The following MAP3K10 variants were observed in gnomAD, a reference collection of about 807,000 sequenced individuals.
MAP3K10 encodes the protein mitogen-activated protein kinase kinase kinase 10.
A neutral mutation model predicts 75.0 loss-of-function variants in MAP3K10; 22 were observed. The observed-to-expected ratio is 0.29, with a 90% CI of 0.21 to 0.42. MAP3K10 has a LOEUF of 0.42. MAP3K10 is among the 10% of genes least tolerant of loss of function. MAP3K10 has a pLI of 1.00. For missense variants in MAP3K10, 1,165 were observed against 1,379.8 expected (o/e 0.84, Z 2.47); for synonymous variants, 599 against 612.9 (o/e 0.98, Z 0.34).
rs1439396987 is a variant in MAP3K10, at chr19:40,204,914, G to C, written c.1013-207G>C. 4.8e-6 allele frequency: 3 copies of C among 622,714 alleles called. No individual in the cohort carries two copies. In the East Asian group the frequency reaches 8.2e-5, roughly 17 times the overall value. 38.6% of individuals were successfully genotyped at this position (622,714 alleles called of 1,614,324 possible). A position where few individuals can be genotyped will look rare whatever the true frequency, so the allele number is the denominator to read the frequency against. On this transcript the variant is annotated intron_variant, in intron 3 of 9. Coordinates refer to ENST00000253055, the MANE Select transcript of MAP3K10 (RefSeq NM_002446.4). This position sits in a 1 kb window ranked among gnomAD's most constrained non-coding sequence, Gnocchi z 4.3. Reference sequence around the variant, plus strand: ...TGATTCCACTACCAGCCCCTCCTCGGGGTGCAGGTCCCAGGGTTTCTCTCC... The same window carrying C: ...TGATTCCACTACCAGCCCCTCCTCGCGGTGCAGGTCCCAGGGTTTCTCTCC...
Position 40,213,790 on chromosome 19 carries a change from G to A in MAP3K10, c.2111G>A (p.Arg704His). The A allele has an allele frequency of 8.0e-7, 1 of 1,253,266 alleles. No individual in the cohort carries two copies. The allele number at this position is 1,253,266 out of a possible 1,614,324, so 77.6% of individuals were successfully genotyped here. A position where few individuals can be genotyped will look rare whatever the true frequency, so the allele number is the denominator to read the frequency against. ...ARAADGEEQR[R>H]WLDGLFFPRA... ...GCGGCCGACGGTGAGGAGCAGCGGCGCTGGCTCGACGGCCTCTTCTTTCCC... is the reference window on the plus strand; with the variant it reads ...GCGGCCGACGGTGAGGAGCAGCGGCACTGGCTCGACGGCCTCTTCTTTCCC... The change falls in exon 9 of 10, where the codon CGC becomes CAC. Residue 704 changes from arginine (R) to histidine (H), a missense_variant. Arg to His is a conservative substitution (Grantham distance 29). Around this residue, in one of 2 missense-constraint regions of MAP3K10, gnomAD observed 590 missense variants for 586.6 expected, o/e 1.01. Coordinates refer to ENST00000253055, the MANE Select transcript of MAP3K10 (RefSeq NM_002446.4). This position sits in a 1 kb window ranked among gnomAD's most constrained non-coding sequence, Gnocchi z 5.7.
intron 5 of MAP3K10, among the ~76,000 whole-genome samples, chr19:40,207,430 T>C (rs1047807191): frequency 3.9e-5 from 6 of 152,154 alleles, no homozygotes; most frequent in Non-Finnish European, 5.9e-5. Context: ...AAATAAGAGA[T>C]GTCAATTTTA....
chr19:40,195,408 G>A (rs1972886233), intron 1 of MAP3K10, among the ~76,000 whole-genome samples: 1 of 143,944 alleles, frequency 6.9e-6, no homozygotes, highest in African/African-American at 2.5e-5. Context: ...CAGAGGTGGA[G>A]TTACAGACTA....
rs1168727320 is a variant in MAP3K10, at chr19:40,206,013, A to G, written c.1291A>G (p.Met431Val). The G allele has an allele frequency of 1.2e-6, 2 of 1,613,068 alleles. No homozygotes were observed. Among genetic ancestry groups the G allele is most frequent in the African/African-American group, 1.3e-5 (1 of 74,906 alleles). The change falls in exon 5 of 10, where the codon ATG (methionine) becomes GTG (valine). Residue 431 changes from methionine (M) to valine (V), a missense_variant. Around this residue, in one of 2 missense-constraint regions of MAP3K10, gnomAD observed 575 missense variants for 793.2 expected, o/e 0.72. Coordinates refer to ENST00000253055, the MANE Select transcript of MAP3K10 (RefSeq NM_002446.4). ...RREQELAERE[M>V]DIVERELHLL... ...GGAGCAGGAGCTGGCAGAACGTGAGATGGACATCGTGGAACGGGAGCTGCA... is the reference window on the plus strand; with the variant it reads ...GGAGCAGGAGCTGGCAGAACGTGAGGTGGACATCGTGGAACGGGAGCTGCA...
chr19:40,197,808 A>G (rs1206611829), intron 1 of MAP3K10, among the ~76,000 whole-genome samples: 2 of 151,460 alleles, frequency 1.3e-5, no homozygotes, highest in East Asian at 3.9e-4. Flanking sequence ...TGGGAACTCA[A>G]GGCCTGGAGG....
intron 1 of MAP3K10, among the ~76,000 whole-genome samples, chr19:40,195,543 G>A (rs1972890433): frequency 7.5e-6 from 1 of 133,792 alleles, no homozygotes; most frequent in Non-Finnish European, 1.5e-5. Flanking sequence ...ACCCAGGCTG[G>A]AGTGCAGTAG....
chr19:40,209,140 T>C lies in MAP3K10; in HGVS notation c.1473T>C (p.Thr491=). 2 of 1,614,224 alleles carry C rather than the reference T, an allele frequency of 1.2e-6. No homozygotes were observed. Among genetic ancestry groups the C allele is most frequent in the South Asian group, 2.2e-5 (2 of 91,090 alleles). The change falls in exon 6 of 10, where the codon ACT becomes ACC. Residue 491 remains threonine (T), a synonymous_variant. Coordinates refer to ENST00000253055, the MANE Select transcript of MAP3K10 (RefSeq NM_002446.4). The part of the protein sequence containing the change: ...EHKITVQASP[T]LDKRKGSDGA... ...AGATCACAGTCCAGGCCTCTCCAAC[T>C]CTGGATAAGCGGAAAGGATCCGATG...
At chr19:40,206,270 C>A (rs1973120227) in intron 5 of MAP3K10, 113 bp downstream of exon 5, 3 of 1,319,912 alleles carry the variant, frequency 2.3e-6, no homozygotes, top group Admixed American at 5.2e-5. Context: ...AAATATATCG[C>A]ACATAGTCAG....
Position 40,205,629 on chromosome 19 carries a change from G to C in MAP3K10, c.1189-282G>C, listed in dbSNP as rs760805979. 2.6e-5 allele frequency: 14 copies of C among 540,488 alleles called. No homozygotes were observed. In the East Asian group the frequency reaches 4.2e-4, roughly 16 times the overall value. The allele number at this position is 540,488 out of a possible 1,614,324, so 33.5% of individuals were successfully genotyped here. A position where few individuals can be genotyped will look rare whatever the true frequency, so the allele number is the denominator to read the frequency against. On this transcript the variant is annotated intron_variant, in intron 4 of 9. Coordinates refer to ENST00000253055, the MANE Select transcript of MAP3K10 (RefSeq NM_002446.4). The surrounding 1 kb of genome is among the most constrained non-coding windows in gnomAD (Gnocchi z 4.3). ...TTGTTGAAATTGGATGATGGGTACA[G>C]GGGGGTGCACTGTTCTCTGCTTTTG...
chr19:40,208,586 C>T (rs1324026552), intron 5 of MAP3K10, among the ~76,000 whole-genome samples: 7 of 150,660 alleles, frequency 4.6e-5, no homozygotes, highest in African/African-American at 1.7e-4. Flanking sequence ...ACCTGTAATC[C>T]CAGCACTTTG....
chr19:40,202,419 C>T (rs913439141), intron 2 of MAP3K10, among the ~76,000 whole-genome samples: 2 of 152,146 alleles, frequency 1.3e-5, no homozygotes, highest in African/African-American at 4.8e-5. Flanking sequence ...TGTCCTGCCG[C>T]GGCTTCGCAG....
intron 5 of MAP3K10, 47 bp downstream of exon 5, chr19:40,206,204 C>T (rs985625892): frequency 6.5e-7 from 1 of 1,533,386 alleles, no homozygotes; most frequent in South Asian, 1.2e-5. Flanking sequence ...CTGCTGGGAG[C>T]AGCCCCGACC....
chr19:40,210,622 A>G (rs999259598), intron 6 of MAP3K10, among the ~76,000 whole-genome samples: 1 of 150,952 alleles, frequency 6.6e-6, no homozygotes, highest in East Asian at 2.0e-4. Flanking sequence ...AATCACTTGA[A>G]CCTGAGAGGC....
Position 40,214,002 on chromosome 19 carries a change from T to TGCCCCCCCCCCC in MAP3K10, c.2323_2324insGCCCCCCCCCCC (p.Ser775delinsCysProProProPro). 1 of 1,493,664 alleles carries TGCCCCCCCCCCC rather than the reference T, an allele frequency of 6.7e-7. No homozygotes were observed. The highest frequency in any genetic ancestry group is 8.9e-7 in the Non-Finnish European group (1 of 1,123,850). The allele number at this position is 1,493,664 out of a possible 1,614,324, so 92.5% of individuals were successfully genotyped here. A position where few individuals can be genotyped will look rare whatever the true frequency, so the allele number is the denominator to read the frequency against. ...TGACGAGGCCGCACCGGCCGCGCCC[T>TGCCCCCCCCCCC]CCCCACCACCCTCCCCGCCCGCGCC... On this transcript the variant is annotated protein_altering_variant, in exon 9 of 10. Transcript: ENST00000253055.
chr19:40,204,461 C>T lies in MAP3K10; in HGVS notation c.864-24C>T. 1 of 1,604,846 alleles carries T rather than the reference C, an allele frequency of 6.2e-7. No individual in the cohort carries two copies. The highest frequency in any genetic ancestry group is 8.5e-7 in the Non-Finnish European group (1 of 1,175,980). ...AGGATTGGGGTGGGCTGCGACATCA[C>T]CCCTCCCTCTCCCCTGCCTGCAGCT... On this transcript the variant is annotated intron_variant, in intron 2 of 9. Coordinates refer to ENST00000253055, the MANE Select transcript of MAP3K10 (RefSeq NM_002446.4). This position sits in a 1 kb window ranked among gnomAD's most constrained non-coding sequence, Gnocchi z 4.3.
chr19:40,194,294 G>T (rs1430909231), intron 1 of MAP3K10, among the ~76,000 whole-genome samples: 1 of 152,082 alleles, frequency 6.6e-6, no homozygotes, highest in Non-Finnish European at 1.5e-5. Flanking sequence ...GGAGGTGGAG[G>T]TTGCAGTGAG....
At chr19:40,209,316 A>C in intron 6 of MAP3K10, 97 bp downstream of exon 6, 2 of 869,894 alleles carry the variant, frequency 2.3e-6, no homozygotes, top group Non-Finnish European at 3.6e-6. Context: ...AGTAACAGCA[A>C]GAAAGAAGAC....
At position 40,191,701 on chromosome 19, in the gene MAP3K10, G is replaced by A; in HGVS notation, c.-331G>A. On this transcript the variant is annotated 5_prime_UTR_variant, in exon 1 of 10. Coordinates refer to ENST00000253055, the MANE Select transcript of MAP3K10 (RefSeq NM_002446.4). ...GGAACGGGGACTGCCTGCCGCCCTCGCCCTCGTCCCCCACCGGCGGACCCC... is the reference window on the plus strand; with the variant it reads ...GGAACGGGGACTGCCTGCCGCCCTCACCCTCGTCCCCCACCGGCGGACCCC... 1 of 221,048 alleles carries A rather than the reference G, an allele frequency of 4.5e-6. No individual in the cohort carries two copies. Among genetic ancestry groups the A allele is most frequent in the Non-Finnish European group, 8.8e-6 (1 of 113,466 alleles). 13.7% of individuals were successfully genotyped at this position (221,048 alleles called of 1,614,324 possible).
chr19:40,212,448 TAC>T lies in MAP3K10; in HGVS notation c.1553-355_1553-354del, dbSNP rs1399863514. ...CCAGATAGGTCCAGAGCATTGCAGGTACAGAGATGAAGGCAGCTGACCCCCAG... is the reference window on the plus strand; with the variant it reads ...CCAGATAGGTCCAGAGCATTGCAGGTAGAGATGAAGGCAGCTGACCCCCAG... On this transcript the variant is annotated intron_variant, in intron 6 of 9. Coordinates refer to ENST00000253055, the MANE Select transcript of MAP3K10 (RefSeq NM_002446.4). The surrounding 1 kb of genome is among the most constrained non-coding windows in gnomAD (Gnocchi z 4.2). Among the ~76,000 whole-genome samples, 1 of 151,764 alleles carries T rather than the reference TAC, an allele frequency of 6.6e-6. No individual in the cohort carries two copies. Among genetic ancestry groups the T allele is most frequent in the Non-Finnish European group, 1.5e-5 (1 of 67,932 alleles).
Sources: gnomAD v4.1 joint callset for allele counts (sites outside exome capture counted in the v4.1 genomes callset) on GRCh38, gnomAD v4.1.1 for gene constraint, gnomAD v4.1.1 regional missense constraint, Gnocchi (gnomAD v3.1) non-coding constraint, MANE v1.5 for transcripts, NCBI Gene and HGNC (gene_info 2026-07-23, HGNC 2026-07-21) for gene names.